Variants in CEP164 observed in about 807,000 individuals in gnomAD.
The protein encoded by CEP164 is centrosomal protein 164, also known as centrosomal protein of 164 kDa.
CEP164 carries 162 observed loss-of-function variants against 182.7 expected under a neutral mutation model. The ratio of observed to expected loss-of-function variants is 0.89; its 90% confidence interval spans 0.78 to 1.01. The LOEUF is 1.01. Among genes scored for constraint, CEP164 ranks in the 50% least tolerant of loss-of-function variants. The pLI, the probability that CEP164 is intolerant of heterozygous loss-of-function variation, is 0.00. For synonymous variants in CEP164, 661 were observed against 690.0 expected (o/e 0.96, Z 0.66); for missense variants, 1,735 against 1,790.4 (o/e 0.97, Z 0.56).
At chr11:117,406,855 G>A (rs768412251) in intron 27 of CEP164, among the ~76,000 whole-genome samples, 1 of 152,142 alleles carries the variant, frequency 6.6e-6, no homozygotes, top group Non-Finnish European at 1.5e-5. Flanking sequence ...CAGCACTTTG[G>A]GAGGCCGGGG....
intron 2 of CEP164, chr11:117,336,257 G>A: frequency 6.3e-7 from 1 of 1,579,346 alleles, no homozygotes; most frequent in South Asian, 1.1e-5. Flanking sequence ...TGCTTGCCAT[G>A]CTTTTGGTGC....
At chr11:117,380,996 G>C (rs1336517876) in intron 12 of CEP164, among the ~76,000 whole-genome samples, 1 of 152,194 alleles carries the variant, frequency 6.6e-6, no homozygotes, top group African/African-American at 2.4e-5. Flanking sequence ...CAGGACTCTG[G>C]GCACCATTGT....
chr11:117,410,277 C>A, intron 30 of CEP164: 1 of 511,916 alleles, frequency 2.0e-6, no homozygotes, highest in Non-Finnish European at 3.5e-6. Context: ...AGGTCATTGT[C>A]GTCATTATCT....
intron 5 of CEP164, chr11:117,356,333 C>T: frequency 8.7e-7 from 1 of 1,144,548 alleles, no homozygotes; most frequent in Non-Finnish European, 1.1e-6. Context: ...GCCGTGCAGA[C>T]ACAGCGCCAG....
At chr11:117,327,224 T>C (rs190751740), upstream of CEP164, among the ~76,000 whole-genome samples, 89 of 152,262 alleles carry the variant, frequency 5.8e-4, no homozygotes, top group African/African-American at 1.7e-3. Flanking sequence ...GAGCCAGTTT[T>C]TTTGCGGGGA....
intron 14 of CEP164, chr11:117,384,832 AG>A (rs1162405705): frequency 2.0e-5 from 3 of 152,242 alleles, no homozygotes; most frequent in Admixed American, 1.3e-4. Context: ...CAGCTTCCAA[AG>A]GTGTAGTCAA....
intron 8 of CEP164, among the ~76,000 whole-genome samples, chr11:117,369,442 G>C (rs2041982485): frequency 1.3e-5 from 2 of 152,354 alleles, no homozygotes; most frequent in Admixed American, 1.3e-4. Context: ...AGCTCTGAAT[G>C]ACTCTGCTTT....
At chr11:117,336,266 G>T in intron 2 of CEP164, 2 of 1,571,490 alleles carry the variant, frequency 1.3e-6, no homozygotes, top group South Asian at 1.1e-5. Flanking sequence ...TGCTTTTGGT[G>T]CTTGTGCATC....
chr11:117,391,301 A>G, intron 17 of CEP164, 86 bp downstream of exon 17: 1 of 1,298,412 alleles, frequency 7.7e-7, no homozygotes, highest in East Asian at 2.5e-5. Flanking sequence ...GAAGAAGGGC[A>G]AGTCTCGGGT....
intron 19 of CEP164, 81 bp downstream of exon 19, chr11:117,392,708 C>T (rs1041043313): frequency 2.6e-6 from 4 of 1,539,726 alleles, no homozygotes; most frequent in Admixed American, 2.0e-5. Flanking sequence ...CTAGCCTCAG[C>T]GGCCTCCAGT....
intron 3 of CEP164, among the ~76,000 whole-genome samples, chr11:117,343,743 G>C (rs552252260): frequency 8.7e-4 from 130 of 148,828 alleles, no homozygotes; most frequent in African/African-American, 3.1e-3. Flanking sequence ...CAGTTCTCCT[G>C]CCTCAGCCTC....
chr11:117,410,794 C>T (rs1004208511), intron 30 of CEP164, 34 bp from the exon 31 acceptor site: 1 of 1,593,930 alleles, frequency 6.3e-7, no homozygotes, highest in South Asian at 1.1e-5. Flanking sequence ...GTGACCACTG[C>T]CCATTTCTGA....
At chr11:117,335,409 C>T (rs924643212) in intron 1 of CEP164, among the ~76,000 whole-genome samples, 196 bp from the exon 2 acceptor site, 10 of 151,956 alleles carry the variant, frequency 6.6e-5, no homozygotes, top group African/African-American at 2.2e-4. Context: ...TCTTGTGAGT[C>T]CTAAGGCAGG....
At chr11:117,408,667 C>G in intron 28 of CEP164, 1 of 577,550 alleles carries the variant, frequency 1.7e-6, no homozygotes, top group Non-Finnish European at 3.0e-6. Flanking sequence ...CCACACATCA[C>G]AAGGGCGACA....
At chr11:117,341,553 C>T (rs1289526689) in intron 3 of CEP164, among the ~76,000 whole-genome samples, 1 of 151,692 alleles carries the variant, frequency 6.6e-6, no homozygotes, top group Non-Finnish European at 1.5e-5. Flanking sequence ...AAGTGATTCT[C>T]CCACCTCAGC....
intron 5 of CEP164, chr11:117,356,088 T>C: frequency 9.3e-7 from 1 of 1,079,276 alleles, no homozygotes; most frequent in Non-Finnish European, 1.1e-6. Context: ...CCTTGGAACC[T>C]GCAGAGCTCA....
Position 117,375,230 on chromosome 11 carries a change from G to A in CEP164, c.1234-478G>A, listed in dbSNP as rs376848823. ...AGACAGCTGGAAAGTGACATCCTTC[G>A]CAGCATGTGTCATGGAAAGAGCTTG... On this transcript the variant is annotated intron_variant, in intron 10 of 32. Transcript: ENST00000278935. Among the ~76,000 whole-genome samples, 140 of 152,242 alleles carry A rather than the reference G, an allele frequency of 9.2e-4. 2 individuals carry two copies. Among genetic ancestry groups the A allele is most frequent in the African/African-American group, 3.2e-3 (131 of 41,554 alleles).
intron 5 of CEP164, among the ~76,000 whole-genome samples, chr11:117,361,028 G>A (rs1050604991): frequency 1.4e-5 from 2 of 147,534 alleles, no homozygotes; most frequent in Non-Finnish European, 3.0e-5. Context: ...TCCGCCTCCC[G>A]GGTTCAAGTG....
chr11:117,364,392 GTTTTCTCATTATCCCTTATTA>G (rs1303274229), intron 8 of CEP164, among the ~76,000 whole-genome samples: 1 of 152,066 alleles, frequency 6.6e-6, no homozygotes, highest in Non-Finnish European at 1.5e-5. Flanking sequence ...ATTTAAATTT[GTTTTCTCATTATCCCTTATTA>G]TTTCTGACTT....
Sources: gnomAD v4.1 joint callset for allele counts (sites outside exome capture counted in the v4.1 genomes callset) on GRCh38, gnomAD v4.1.1 for gene constraint, MANE v1.5 for transcripts, NCBI Gene and HGNC (gene_info 2026-07-23, HGNC 2026-07-21) for gene names.